Variants in PTPRM observed in about 807,000 individuals in gnomAD.
PTPRM encodes protein tyrosine phosphatase receptor type M.
PTPRM carries 47 observed loss-of-function variants against 186.7 expected under a neutral mutation model. That is an observed-to-expected ratio of 0.25 (90% CI 0.20 to 0.32). PTPRM has a LOEUF of 0.32. Ranked by LOEUF, PTPRM falls within the 10% of genes least tolerant of loss-of-function variation. The pLI, the probability that PTPRM is intolerant of heterozygous loss-of-function variation, is 1.00. For synonymous variants in PTPRM, 668 were observed against 674.9 expected, an observed-to-expected ratio of 0.99 and a Z score of 0.16; for missense variants, 1,494 against 1,865.0, an observed-to-expected ratio of 0.80 and a Z score of 3.66.
At chr18:7,624,552 C>T (rs529503454) in intron 1 of PTPRM, among the ~76,000 whole-genome samples, 29 of 151,926 alleles carry the variant, frequency 1.9e-4, no homozygotes, top group Non-Finnish European at 3.8e-4. Context: ...GTGGCGTCAT[C>T]ATGGCTTACT....
chr18:8,280,432 C>G (rs2094890502), intron 19 of PTPRM, among the ~76,000 whole-genome samples: 1 of 151,196 alleles, frequency 6.6e-6, no homozygotes, highest in African/African-American at 2.4e-5. Flanking sequence ...CACAATTCAG[C>G]CTGTGACACT....
chr18:8,071,003 G>A (rs1046239312), intron 8 of PTPRM, among the ~76,000 whole-genome samples: 8 of 152,158 alleles, frequency 5.3e-5, no homozygotes, highest in Non-Finnish European at 1.0e-4. Flanking sequence ...CAGCACCTGC[G>A]TATTTTTGTA....
chr18:8,075,106 G>A (rs1420266675), intron 8 of PTPRM, among the ~76,000 whole-genome samples: 2 of 152,106 alleles, frequency 1.3e-5, no homozygotes, highest in African/African-American at 4.8e-5. Flanking sequence ...TCATTCTTGT[G>A]CATGTGGATA....
At chr18:7,965,549 G>C (rs2053982538) in intron 7 of PTPRM, among the ~76,000 whole-genome samples, 1 of 152,110 alleles carries the variant, frequency 6.6e-6, no homozygotes, top group African/African-American at 2.4e-5. Context: ...AAGCACACAG[G>C]TAAGATTGTT....
chr18:7,626,979 A>G (rs2038076983), intron 1 of PTPRM, among the ~76,000 whole-genome samples: 1 of 152,098 alleles, frequency 6.6e-6, no homozygotes, highest in Admixed American at 6.6e-5. Context: ...CTGGGAGTGC[A>G]TCACACTCAG....
chr18:8,375,429 T>C (rs1325631876), intron 24 of PTPRM, among the ~76,000 whole-genome samples: 1 of 152,092 alleles, frequency 6.6e-6, no homozygotes, highest in South Asian at 2.1e-4. Flanking sequence ...ATGGGTAAAA[T>C]ATTTACCCAC....
At chr18:7,989,584 A>G (rs1048089954) in intron 7 of PTPRM, among the ~76,000 whole-genome samples, 19 of 152,062 alleles carry the variant, frequency 1.2e-4, no homozygotes, top group African/African-American at 4.6e-4. Context: ...TGCATATGGG[A>G]TTTATTCACT....
chr18:7,695,992 C>A (rs1421916783), intron 1 of PTPRM, among the ~76,000 whole-genome samples: 2 of 152,138 alleles, frequency 1.3e-5, no homozygotes, highest in Non-Finnish European at 2.9e-5. Context: ...TTTCAATATT[C>A]TAGTGTCAGA....
Position 8,302,360 on chromosome 18 carries a change from G to A in PTPRM, c.2842+5905G>A, listed in dbSNP as rs368596687. Among the ~76,000 whole-genome samples, 8 of 152,266 alleles carry A rather than the reference G, an allele frequency of 5.3e-5. No homozygotes were observed. In the East Asian group the frequency reaches 5.8e-4, roughly 11 times the overall value. Reference sequence around the variant, plus strand: ...GGTCTGAAGAACTAAAGGAAGGCTGGGTGGCTGGAGCTGGAAGGACAGGGG... The same window carrying A: ...GGTCTGAAGAACTAAAGGAAGGCTGAGTGGCTGGAGCTGGAAGGACAGGGG... On this transcript the variant is annotated intron_variant, in intron 20 of 32. Transcript: ENST00000580170.
chr18:7,626,884 A>G (rs143639611), intron 1 of PTPRM, among the ~76,000 whole-genome samples: 1 of 152,258 alleles, frequency 6.6e-6, no homozygotes, highest in African/African-American at 2.4e-5. Flanking sequence ...AAATTTTTGT[A>G]GACACAAGGT....
At chr18:7,603,633 T>C (rs28637172) in intron 1 of PTPRM, among the ~76,000 whole-genome samples, 4,212 of 152,362 alleles carry the variant, frequency 0.028, 183 homozygotes, top group African/African-American at 0.094. Context: ...AGCCTGCTGA[T>C]TCTTTCTGTT....
intron 1 of PTPRM, among the ~76,000 whole-genome samples, chr18:7,748,138 C>T (rs780022276): frequency 9.2e-5 from 14 of 152,176 alleles, no homozygotes; most frequent in Admixed American, 6.5e-4. Flanking sequence ...GGGCTGTAGA[C>T]CAGAACTGTC....
chr18:7,846,045 C>A (rs1208589178), intron 2 of PTPRM, among the ~76,000 whole-genome samples: 2 of 152,178 alleles, frequency 1.3e-5, no homozygotes, highest in Non-Finnish European at 2.9e-5. Flanking sequence ...CCCCAGTGTT[C>A]ATCAGTCATT....
At chr18:8,384,473 T>C (rs1386669369) in intron 29 of PTPRM, 88 bp from the exon 30 acceptor site, 1 of 1,451,298 alleles carries the variant, frequency 6.9e-7, no homozygotes, top group Non-Finnish European at 9.6e-7. Flanking sequence ...AAAAAAGGAT[T>C]ACTGAGTGTC....
At chr18:7,592,980 C>T (rs2037166309) in intron 1 of PTPRM, among the ~76,000 whole-genome samples, 1 of 152,140 alleles carries the variant, frequency 6.6e-6, no homozygotes, top group South Asian at 2.1e-4. Flanking sequence ...AGAAAAATTC[C>T]TAGACATGGT....
At chr18:7,689,248 A>C (rs1438064498) in intron 1 of PTPRM, among the ~76,000 whole-genome samples, 1 of 152,250 alleles carries the variant, frequency 6.6e-6, no homozygotes, top group Non-Finnish European at 1.5e-5. Flanking sequence ...GTCAATGCAG[A>C]GAAGATAAGT....
rs5822976 is a variant in PTPRM, at chr18:7,639,391, C to CTT, written c.73+71511_73+71512dup. Among the ~76,000 whole-genome samples, 75 of 142,258 alleles carry CTT rather than the reference C, an allele frequency of 5.3e-4. 1 individual carries two copies. Among genetic ancestry groups the CTT allele is most frequent in the African/African-American group, 1.6e-3 (62 of 38,898 alleles). The allele number at this position is 142,258 out of a possible 152,430, so 93.3% of individuals were successfully genotyped here. A position where few individuals can be genotyped will look rare whatever the true frequency, so the allele number is the denominator to read the frequency against. ...AGCCTGACTTGTATTATTCTATATGCTTTTTTTTTTTTGAGATGAAGTCTC... is the reference window on the plus strand; with the variant it reads ...AGCCTGACTTGTATTATTCTATATGCTTTTTTTTTTTTTTGAGATGAAGTCTC... On this transcript the variant is annotated intron_variant, in intron 1 of 32. Transcript: ENST00000580170.
intron 23 of PTPRM, among the ~76,000 whole-genome samples, chr18:8,346,193 T>C (rs955209656): frequency 6.6e-6 from 1 of 152,160 alleles, no homozygotes; most frequent in African/African-American, 2.4e-5. Flanking sequence ...CCACAGACCT[T>C]TCTCTGGAAA....
intron 7 of PTPRM, among the ~76,000 whole-genome samples, chr18:7,991,430 G>A (rs2083263572): frequency 6.6e-6 from 1 of 152,114 alleles, no homozygotes; most frequent in Admixed American, 6.6e-5. Context: ...AGGGAGGAAT[G>A]GAGGGAGATG....
Sources: allele counts gnomAD v4.1 joint callset (sites outside exome capture counted in the v4.1 genomes callset), GRCh38; gene constraint gnomAD v4.1.1; transcripts MANE v1.5; gene names NCBI Gene and HGNC (gene_info 2026-07-23, HGNC 2026-07-21).